Variants in DCLK2 observed in about 807,000 individuals in gnomAD.
DCLK2 encodes doublecortin like kinase 2.
Under a neutral mutation model 78.4 loss-of-function variants are expected in DCLK2, and 31 were observed. That is an observed-to-expected ratio of 0.40 (90% CI 0.30 to 0.53). The LOEUF is 0.53. Among genes scored for constraint, DCLK2 ranks in the 20% least tolerant of loss-of-function variants. The pLI, the probability that DCLK2 is intolerant of heterozygous loss-of-function variation, is 0.61. For synonymous variants in DCLK2, 407 were observed against 374.9 expected, an observed-to-expected ratio of 1.09 and a Z score of -0.99; for missense variants, 872 against 973.7, an observed-to-expected ratio of 0.90 and a Z score of 1.39.
At chr4:150,180,151 C>T (rs2150280022) in intron 2 of DCLK2, among the ~76,000 whole-genome samples, 1 of 152,200 alleles carries the variant, frequency 6.6e-6, no homozygotes, top group Middle Eastern at 3.4e-3. Context: ...AGTATGTGGT[C>T]CAAGTATAAA....
intron 10 of DCLK2, among the ~76,000 whole-genome samples, chr4:150,237,584 G>A (rs930956054): frequency 5.3e-5 from 8 of 152,140 alleles, no homozygotes; most frequent in African/African-American, 9.7e-5. Flanking sequence ...TTTCAGTGCC[G>A]TCCTCTTTAA....
intron 2 of DCLK2, among the ~76,000 whole-genome samples, chr4:150,128,841 A>T (rs1399146842): frequency 1.3e-5 from 2 of 152,126 alleles, no homozygotes; most frequent in Non-Finnish European, 2.9e-5. Context: ...AAATCTTCAT[A>T]AGGATTGGAA....
chr4:150,232,555 A>G (rs1742157696), intron 9 of DCLK2, 99 bp downstream of exon 9: 2 of 1,538,732 alleles, frequency 1.3e-6, no homozygotes, highest in Admixed American at 1.8e-5. Context: ...CATAACTTTC[A>G]TTATTTATAA....
chr4:150,082,574 C>G (rs1729382404), intron 1 of DCLK2, among the ~76,000 whole-genome samples: 1 of 152,196 alleles, frequency 6.6e-6, no homozygotes, highest in Non-Finnish European at 1.5e-5. Context: ...TTTATCCATC[C>G]TTGCTGGATT....
At chr4:150,135,560 G>C (rs1329955116) in intron 2 of DCLK2, among the ~76,000 whole-genome samples, 1 of 152,180 alleles carries the variant, frequency 6.6e-6, no homozygotes, top group Non-Finnish European at 1.5e-5. Context: ...CGTGTGATAG[G>C]TGTTGTGAAA....
At chr4:150,188,683 C>T (rs891381677) in intron 2 of DCLK2, among the ~76,000 whole-genome samples, 9 of 151,926 alleles carry the variant, frequency 5.9e-5, no homozygotes, top group African/African-American at 1.5e-4. Flanking sequence ...AGGCGGATCA[C>T]GAGGTCAGGA....
At chr4:150,137,156 C>G (rs947166856) in intron 2 of DCLK2, among the ~76,000 whole-genome samples, 1 of 151,762 alleles carries the variant, frequency 6.6e-6, no homozygotes, top group East Asian at 1.9e-4. Context: ...ATTTATTATC[C>G]TTTAAATGGT....
intron 2 of DCLK2, among the ~76,000 whole-genome samples, chr4:150,160,015 A>G (rs1240726759): frequency 7.4e-6 from 1 of 135,560 alleles, no homozygotes; most frequent in Admixed American, 7.3e-5. Context: ...AATTTTTATT[A>G]TTTTTGTGTG....
rs889867388 is a variant in DCLK2, at chr4:150,234,202, A to G, written c.1566+1374A>G. ...AAACCATTCATCTTGTAATACATTG[A>G]GCAAAAGTTAAGTCTTCTTTAACAT... On this transcript the variant is annotated intron_variant, in intron 10 of 15. Transcript: ENST00000296550. Among the ~76,000 whole-genome samples, 2 of 152,294 alleles carry G rather than the reference A, an allele frequency of 1.3e-5. 1 individual carries two copies.
chr4:150,108,917 G>A (rs543312797), intron 2 of DCLK2, among the ~76,000 whole-genome samples: 3 of 152,198 alleles, frequency 2.0e-5, no homozygotes, highest in Non-Finnish European at 4.4e-5. Flanking sequence ...AACACTTCCA[G>A]ACTTTGGGAC....
At chr4:150,170,345 GT>G (rs925735310) in intron 2 of DCLK2, among the ~76,000 whole-genome samples, 4 of 148,686 alleles carry the variant, frequency 2.7e-5, no homozygotes, top group Non-Finnish European at 3.0e-5. Flanking sequence ...TGCCCGGCCA[GT>G]TTTTTTTTAA....
At chr4:150,183,031 A>G (rs1737643135) in intron 2 of DCLK2, among the ~76,000 whole-genome samples, 1 of 152,116 alleles carries the variant, frequency 6.6e-6, no homozygotes, top group South Asian at 2.1e-4. Context: ...ATCCATAAAA[A>G]ATGCTGATCT....
At chr4:150,236,168 A>G (rs1459745) in intron 10 of DCLK2, among the ~76,000 whole-genome samples, 121,684 of 152,190 alleles carry the variant, frequency 0.8, 50,938 homozygotes, top group Middle Eastern at 0.94. Flanking sequence ...TCTGAGAGCA[A>G]CTTTTGACAG....
chr4:150,159,149 G>GC (rs1051436536), intron 2 of DCLK2, among the ~76,000 whole-genome samples: 1 of 152,098 alleles, frequency 6.6e-6, no homozygotes, highest in African/African-American at 2.4e-5. Context: ...CTTATATTGT[G>GC]CCCTCCGGAA....
chr4:150,086,707 C>T (rs371372447), intron 1 of DCLK2, among the ~76,000 whole-genome samples: 9 of 152,018 alleles, frequency 5.9e-5, no homozygotes, highest in Admixed American at 3.9e-4. Context: ...GGGTTTTCAC[C>T]GTGTTAGCCA....
intron 15 of DCLK2, chr4:150,253,343 C>G (rs967337824): frequency 1.1e-6 from 1 of 941,652 alleles, no homozygotes; most frequent in African/African-American, 1.7e-5. Flanking sequence ...TTCCCATCTG[C>G]TGTCACCCTA....
At chr4:150,102,315 A>G (rs1229057323) in intron 1 of DCLK2, among the ~76,000 whole-genome samples, 163 bp from the exon 2 acceptor site, 1 of 152,180 alleles carries the variant, frequency 6.6e-6, no homozygotes. Context: ...TATTTAAAAG[A>G]AAGGAAGGTG....
rs182551361 is a variant in DCLK2 at position 150,224,039 on chromosome 4, A to G, written c.1242-462A>G. Among the ~76,000 whole-genome samples, 24 of 152,284 alleles carry G rather than the reference A, an allele frequency of 1.6e-4. No homozygotes were observed. In the East Asian group the frequency reaches 2.7e-3, roughly 17 times the overall value. On this transcript the variant is annotated intron_variant, in intron 7 of 15. Coordinates refer to ENST00000296550, the MANE Select transcript of DCLK2 (RefSeq NM_001040260.4). ...CTAAGAGAACTATTTTGAGATTTAC[A>G]TATAGAAAAACTATTTCCTGCCTCT...
chr4:150,113,199 AGTTTTCCTTTTT>A (rs1731826429), intron 2 of DCLK2, among the ~76,000 whole-genome samples: 1 of 152,034 alleles, frequency 6.6e-6, no homozygotes, highest in Non-Finnish European at 1.5e-5. Flanking sequence ...ATTGGTCTGT[AGTTTTCCTTTTT>A]GTTATGTCCT....
Sources: allele counts gnomAD v4.1 joint callset (sites outside exome capture counted in the v4.1 genomes callset), GRCh38; gene constraint gnomAD v4.1.1; transcripts MANE v1.5; gene names NCBI Gene and HGNC (gene_info 2026-07-23, HGNC 2026-07-21).